TRAPPC9: variants seen among roughly 807,000 people sequenced by gnomAD.
TRAPPC9 encodes trafficking protein particle complex subunit 9, also known as IKK2 binding protein.
In TRAPPC9, 83 loss-of-function variants were observed where a neutral mutation model predicts 124.0. The observed-to-expected ratio is 0.67, with a 90% confidence interval of 0.56 to 0.80. TRAPPC9 has a LOEUF of 0.80. Among genes scored for constraint, TRAPPC9 ranks in the 30% least tolerant of loss-of-function variants. TRAPPC9 has a pLI of 0.00. For missense variants in TRAPPC9, 1,302 were observed against 1,508.3 expected (o/e 0.86, Z 2.27); for synonymous variants, 638 against 617.5 (o/e 1.03, Z -0.49).
chr8:140,146,084 T>C (rs951815186), intron 17 of TRAPPC9, among the ~76,000 whole-genome samples: 1 of 152,256 alleles, frequency 6.6e-6, no homozygotes, highest in African/African-American at 2.4e-5. Context: ...TGGAATATAA[T>C]AGTGATTCAA....
At chr8:140,455,314 G>A (rs1328644044) in intron 1 of TRAPPC9, among the ~76,000 whole-genome samples, 2 of 150,244 alleles carry the variant, frequency 1.3e-5, no homozygotes, top group African/African-American at 4.9e-5. Flanking sequence ...TGTATTTTCC[G>A]TGGAGATAGG....
At chr8:139,973,143 G>A (rs1836213064) in intron 19 of TRAPPC9, among the ~76,000 whole-genome samples, 1 of 152,258 alleles carries the variant, frequency 6.6e-6, no homozygotes, top group South Asian at 2.1e-4. Context: ...TTGTGGCCCT[G>A]CATAGACAAA....
chr8:140,081,912 A>C (rs1206656077), intron 17 of TRAPPC9: 5 of 152,320 alleles, frequency 3.3e-5, no homozygotes. Flanking sequence ...AATATGACTT[A>C]ACTAGCACTC....
At position 140,388,454 on chromosome 8, in the gene TRAPPC9, C is replaced by T. The variant is rs553385272; in HGVS notation, c.1134+9166G>A. 5.7e-4 allele frequency among the ~76,000 whole-genome samples: 86 copies of T among 151,640 alleles called. No individual in the cohort carries two copies. The East Asian group carries it at 0.016, about 27-fold the overall frequency. On this transcript the variant is annotated intron_variant, in intron 7 of 22. Transcript: ENST00000438773. ...ATCCCAGCACTTTGGGAGGCCAAGG[C>T]GGGCGGATCACCTGAAGTTGGGAGT...
chr8:139,929,043 C>T (rs1832968919), intron 19 of TRAPPC9, among the ~76,000 whole-genome samples: 1 of 152,082 alleles, frequency 6.6e-6, no homozygotes, highest in Non-Finnish European at 1.5e-5. Context: ...CAATGGCAAT[C>T]CCATCTTGTG....
chr8:139,797,671 T>C (rs902817792), intron 21 of TRAPPC9, among the ~76,000 whole-genome samples: 2 of 152,262 alleles, frequency 1.3e-5, no homozygotes, highest in African/African-American at 2.4e-5. Flanking sequence ...TTTATAGTTT[T>C]AGCTGTCATA....
chr8:139,783,759 A>T (rs1821992957), intron 21 of TRAPPC9, among the ~76,000 whole-genome samples: 1 of 152,244 alleles, frequency 6.6e-6, no homozygotes, highest in South Asian at 2.1e-4. Flanking sequence ...GTTTTTTAGG[A>T]TACTGAATCC....
intron 17 of TRAPPC9, among the ~76,000 whole-genome samples, chr8:140,207,967 C>T (rs1462880048): frequency 6.6e-6 from 1 of 152,092 alleles, no homozygotes; most frequent in Non-Finnish European, 1.5e-5. Context: ...TCCTGGCCAA[C>T]ATGGAGAAAC....
At chr8:139,913,282 G>A (rs148430003) in intron 19 of TRAPPC9, among the ~76,000 whole-genome samples, 7 of 152,336 alleles carry the variant, frequency 4.6e-5, no homozygotes, top group South Asian at 2.1e-4. Context: ...TGCCAAGCCC[G>A]GCGCTGGGTG....
At chr8:140,018,207 G>A (rs974939078) in intron 18 of TRAPPC9, among the ~76,000 whole-genome samples, 1 of 151,652 alleles carries the variant, frequency 6.6e-6, no homozygotes, top group Non-Finnish European at 1.5e-5. Context: ...TTCTAGGTAG[G>A]GATAAGATTT....
chr8:140,194,465 T>C (rs2062586405), intron 17 of TRAPPC9, among the ~76,000 whole-genome samples: 1 of 152,212 alleles, frequency 6.6e-6, no homozygotes, highest in Non-Finnish European at 1.5e-5. Flanking sequence ...GAACTAATGA[T>C]AGGAAAAATG....
At chr8:140,096,046 G>A (rs570430927) in intron 17 of TRAPPC9, 2 of 152,292 alleles carry the variant, frequency 1.3e-5, no homozygotes, top group South Asian at 2.1e-4. Flanking sequence ...CGTGAGGGAG[G>A]GCGCACATTC....
At chr8:140,249,261 A>G (rs1252197430) in intron 16 of TRAPPC9, among the ~76,000 whole-genome samples, 1 of 151,964 alleles carries the variant, frequency 6.6e-6, no homozygotes, top group Admixed American at 6.5e-5. Context: ...CCTCCCACTT[A>G]TATGTGAGAA....
At chr8:139,854,953 A>G (rs747281329) in intron 21 of TRAPPC9, among the ~76,000 whole-genome samples, 2 of 152,182 alleles carry the variant, frequency 1.3e-5, no homozygotes, top group Non-Finnish European at 2.9e-5. Flanking sequence ...CTGATGGGGT[A>G]CCGAGCCTTG....
intron 17 of TRAPPC9, among the ~76,000 whole-genome samples, chr8:140,141,484 C>T (rs2130775739): frequency 1.3e-5 from 2 of 152,214 alleles, no homozygotes; most frequent in South Asian, 4.2e-4. Flanking sequence ...GGTCTTGGAA[C>T]ACACACCCCC....
At chr8:140,142,712 G>T (rs1423348888) in intron 17 of TRAPPC9, among the ~76,000 whole-genome samples, 1 of 152,188 alleles carries the variant, frequency 6.6e-6, no homozygotes, top group Non-Finnish European at 1.5e-5. Context: ...TAGGATCAGG[G>T]TGCTTGAAGC....
chr8:140,117,661 G>C (rs1415629881), intron 17 of TRAPPC9, among the ~76,000 whole-genome samples: 1 of 152,142 alleles, frequency 6.6e-6, no homozygotes, highest in African/African-American at 2.4e-5. Context: ...GTGAGTTTTG[G>C]AGAGAACAAA....
intron 14 of TRAPPC9, among the ~76,000 whole-genome samples, chr8:140,280,261 G>A (rs1259974787): frequency 6.6e-6 from 1 of 152,206 alleles, no homozygotes; most frequent in Non-Finnish European, 1.5e-5. Context: ...AAGTCCTGGT[G>A]GCAGGCTCGG....
rs572153334 is a variant in TRAPPC9, at chr8:139,899,471, TC to T, written c.2964+10675del. On this transcript the variant is annotated intron_variant, in intron 20 of 22. Coordinates refer to ENST00000438773, the MANE Select transcript of TRAPPC9 (RefSeq NM_001160372.4). ...GAAAGTGGACCATCCTTCATCCTTA[TC>T]TTCACGTTGCGTAGGCAGAAGAGCA... Among the ~76,000 whole-genome samples the T allele has an allele frequency of 3.6e-3, 554 of 152,318 alleles. 2 individuals are homozygous for T. The highest frequency in any genetic ancestry group is 0.013 in the African/African-American group (530 of 41,568).
Sources: allele counts gnomAD v4.1 joint callset (sites outside exome capture counted in the v4.1 genomes callset), GRCh38; gene constraint gnomAD v4.1.1; transcripts MANE v1.5; gene names NCBI Gene and HGNC (gene_info 2026-07-23, HGNC 2026-07-21).